Variants in MCPH1 observed in about 807,000 individuals in gnomAD.
MCPH1 encodes the protein microcephalin 1, also known as microcephalin.
Under a neutral mutation model 84.5 loss-of-function variants are expected in MCPH1, and 104 were observed. That is an observed-to-expected ratio of 1.23 (90% CI 1.05 to 1.45). The LOEUF (loss-of-function observed/expected upper bound fraction) is 1.45, where lower values mean the gene tolerates loss of function less well. Among genes scored for constraint, MCPH1 ranks in the 40% most tolerant of loss-of-function variants. The probability of loss-of-function intolerance (pLI) is 0.00; values close to 1 mark genes in which losing one functional copy is unlikely to be tolerated. For missense variants in MCPH1, 1,498 were observed against 1,005.7 expected (o/e 1.49, Z -6.62); for synonymous variants, 514 against 366.8 (o/e 1.40, Z -4.58).
chr8:6,582,965 G>A (rs1827676760), intron 12 of MCPH1, among the ~76,000 whole-genome samples: 1 of 152,146 alleles, frequency 6.6e-6, no homozygotes, highest in Non-Finnish European at 1.5e-5. Context: ...AATCCTCACT[G>A]TCTTCTGAAG....
chr8:6,488,255 A>G (rs1036303469), intron 11 of MCPH1, among the ~76,000 whole-genome samples: 1 of 152,192 alleles, frequency 6.6e-6, no homozygotes, highest in African/African-American at 2.4e-5. Flanking sequence ...CAAGGTGCGC[A>G]TTTCCCAGGT....
chr8:6,473,942 A>G (rs1208953403), intron 9 of MCPH1: 7 of 1,424,806 alleles, frequency 4.9e-6, no homozygotes, highest in Admixed American at 1.9e-5. Context: ...CCGATGCACA[A>G]CTTCTTCCTT....
chr8:6,466,455 G>A (rs540942091), intron 9 of MCPH1, among the ~76,000 whole-genome samples: 8 of 152,162 alleles, frequency 5.3e-5, no homozygotes, highest in Admixed American at 5.2e-4. Flanking sequence ...GTACAGGCGC[G>A]TGCCACCACA....
chr8:6,502,620 T>C (rs925323415), intron 12 of MCPH1: 2 of 152,858 alleles, frequency 1.3e-5, no homozygotes, highest in African/African-American at 4.8e-5. Flanking sequence ...TGTCTTTTTA[T>C]GGCTTAGAGA....
chr8:6,503,806 C>G (rs1358004634), intron 12 of MCPH1, among the ~76,000 whole-genome samples: 1 of 152,150 alleles, frequency 6.6e-6, no homozygotes, highest in African/African-American at 2.4e-5. Flanking sequence ...GCTCGCTCAG[C>G]TAAAGCCAGG....
Position 6,409,233 on chromosome 8 carries a change from T to G in MCPH1, c.23-46T>G, listed in dbSNP as rs954033989. The G allele has an allele frequency of 2.0e-6, 3 of 1,464,750 alleles. No homozygotes were observed. In the African/African-American group the frequency reaches 4.2e-5, roughly 20 times the overall value. The allele number at this position is 1,464,750 out of a possible 1,614,324, so 90.7% of individuals were successfully genotyped here. On this transcript the variant is annotated intron_variant, in intron 1 of 13. Coordinates refer to ENST00000344683, the MANE Select transcript of MCPH1 (RefSeq NM_024596.5). ...AGAACAAAATCTATTGGGCAGGGGA[T>G]GCTGGAATTTCAAATGTATGTTTCA...
intron 11 of MCPH1, among the ~76,000 whole-genome samples, chr8:6,485,583 C>T (rs572081456): frequency 4.0e-5 from 6 of 150,164 alleles, no homozygotes; most frequent in African/African-American, 1.5e-4. Context: ...TGCTCTTTGC[C>T]CTCTGTGCTA....
At chr8:6,583,095 C>T (rs1827688021) in intron 12 of MCPH1, among the ~76,000 whole-genome samples, 1 of 152,160 alleles carries the variant, frequency 6.6e-6, no homozygotes, top group African/African-American at 2.4e-5. Context: ...TGCTGCTTTT[C>T]ATCTTGGCAA....
At chr8:6,562,552 C>CTTTTCTTTTTTTTTTTTT (rs1825702519) in intron 12 of MCPH1, 1 of 71,748 alleles carries the variant, frequency 1.4e-5, no homozygotes, top group African/African-American at 6.3e-5. Flanking sequence ...CATCCTCCTT[C>CTTTTCTTTTTTTTTTTTT]TTTTTTTTTT....
chr8:6,513,479 C>A (rs577548347), intron 12 of MCPH1, among the ~76,000 whole-genome samples: 66 of 151,894 alleles, frequency 4.3e-4, no homozygotes, highest in Non-Finnish European at 8.4e-4. Flanking sequence ...ACTACAGGCG[C>A]CCACCACCAC....
rs951798939 is a variant in MCPH1, at chr8:6,421,110, T to C, written c.233+6227T>C. Among the ~76,000 whole-genome samples, 7 of 152,304 alleles carry C rather than the reference T, an allele frequency of 4.6e-5. No homozygotes were observed. The East Asian group carries it at 7.7e-4, about 17-fold the overall frequency. On this transcript the variant is annotated intron_variant, in intron 3 of 13. Coordinates refer to ENST00000344683, the MANE Select transcript of MCPH1 (RefSeq NM_024596.5). ...GGGAATTGAGCACAGGCAGCTTGTT[T>C]AGGAAGTTGTGTGGGTGCCCATCTG...
intron 13 of MCPH1, chr8:6,627,369 C>G: frequency 1.2e-6 from 1 of 863,436 alleles, no homozygotes; most frequent in Non-Finnish European, 1.4e-6. Flanking sequence ...CAGCCCCTCT[C>G]CTCCAAGGAC....
chr8:6,465,924 G>GATCC (rs202202756), intron 9 of MCPH1, among the ~76,000 whole-genome samples: 80,780 of 148,082 alleles, frequency 0.55, 23,367 homozygotes, highest in Non-Finnish European at 0.61. Flanking sequence ...TTTATCTATC[G>GATCC]ATCCATCCAT....
chr8:6,532,250 C>G (rs1819661017), intron 12 of MCPH1: 2 of 1,529,796 alleles, frequency 1.3e-6, no homozygotes, highest in Non-Finnish European at 1.8e-6. Context: ...TTTCTCATGC[C>G]TTCATTGAGG....
intron 8 of MCPH1, among the ~76,000 whole-genome samples, chr8:6,449,420 G>A (rs1167064483): frequency 1.3e-5 from 2 of 152,052 alleles, no homozygotes; most frequent in African/African-American, 4.8e-5. Flanking sequence ...GATCACTTGA[G>A]GTCAGGAGTT....
intron 12 of MCPH1, among the ~76,000 whole-genome samples, chr8:6,522,698 C>T (rs371571240): frequency 4.4e-4 from 66 of 151,274 alleles, no homozygotes; most frequent in African/African-American, 1.2e-3. Context: ...TGCTTGAACC[C>T]GGGAGGTGGA....
chr8:6,472,456 A>C (rs1807856709), intron 9 of MCPH1, among the ~76,000 whole-genome samples: 2 of 152,086 alleles, frequency 1.3e-5, no homozygotes, highest in South Asian at 4.2e-4. Flanking sequence ...GGAATCTTAG[A>C]CAGTTTTTTG....
intron 12 of MCPH1, chr8:6,514,730 G>C: frequency 6.2e-7 from 1 of 1,613,974 alleles, no homozygotes; most frequent in Non-Finnish European, 8.5e-7. Flanking sequence ...TCCTCACGTC[G>C]CTGAATAATT....
At chr8:6,570,389 A>G (rs1277493507) in intron 12 of MCPH1, among the ~76,000 whole-genome samples, 9 of 152,238 alleles carry the variant, frequency 5.9e-5, no homozygotes. Context: ...GTTAAAAATA[A>G]GTATCTGACT....
Sources: gnomAD v4.1 joint callset for allele counts (sites outside exome capture counted in the v4.1 genomes callset) on GRCh38, gnomAD v4.1.1 for gene constraint, MANE v1.5 for transcripts, NCBI Gene and HGNC (gene_info 2026-07-23, HGNC 2026-07-21) for gene names.